Variants in CDK14 observed in about 807,000 individuals in gnomAD.
CDK14 encodes the protein cyclin dependent kinase 14.
CDK14 carries 34 observed loss-of-function variants against 60.7 expected under a neutral mutation model. The observed-to-expected ratio is 0.56, with a 90% CI of 0.43 to 0.75. CDK14 has a LOEUF of 0.75. CDK14 is among the 30% of genes least tolerant of loss of function. The probability of loss-of-function intolerance (pLI) is 0.00; values close to 1 mark genes in which losing one functional copy is unlikely to be tolerated. For synonymous variants in CDK14, 197 were observed against 203.7 expected (o/e 0.97, Z 0.28); for missense variants, 482 against 564.1 (o/e 0.85, Z 1.47).
At chr7:90,812,256 G>T (rs993372707) in intron 5 of CDK14, among the ~76,000 whole-genome samples, 1 of 152,156 alleles carries the variant, frequency 6.6e-6, no homozygotes, top group Non-Finnish European at 1.5e-5. Flanking sequence ...AGAAAATGTG[G>T]CACATATACA....
chr7:90,982,132 G>A (rs1795244215), intron 9 of CDK14, among the ~76,000 whole-genome samples: 1 of 152,178 alleles, frequency 6.6e-6, no homozygotes, highest in South Asian at 2.1e-4. Flanking sequence ...TGGGAACTGT[G>A]AGCATGGCAG....
At chr7:90,924,657 C>G (rs1261827265) in intron 8 of CDK14, among the ~76,000 whole-genome samples, 1 of 152,074 alleles carries the variant, frequency 6.6e-6, no homozygotes, top group South Asian at 2.1e-4. Flanking sequence ...AAAAACTGAC[C>G]AGCTACTATG....
intron 2 of CDK14, among the ~76,000 whole-genome samples, chr7:90,647,447 C>T (rs1800493215): frequency 6.6e-6 from 1 of 151,698 alleles, no homozygotes; most frequent in African/African-American, 2.4e-5. Context: ...AGAATGATTT[C>T]ACTTTAAGTA....
intron 2 of CDK14, among the ~76,000 whole-genome samples, chr7:90,642,693 C>T (rs1278846199): frequency 2.6e-5 from 4 of 152,042 alleles, no homozygotes; most frequent in Non-Finnish European, 2.9e-5. Context: ...ATTGGGATTG[C>T]TGAGATTTCT....
chr7:90,868,785 A>G (rs1248048313), intron 6 of CDK14, among the ~76,000 whole-genome samples: 1 of 152,150 alleles, frequency 6.6e-6, no homozygotes, highest in Non-Finnish European at 1.5e-5. Flanking sequence ...TATTTTATCG[A>G]TGAGGAAAAA....
At chr7:91,059,136 G>T (rs1011895412) in intron 11 of CDK14, among the ~76,000 whole-genome samples, 2 of 152,028 alleles carry the variant, frequency 1.3e-5, no homozygotes, top group Admixed American at 1.3e-4. Flanking sequence ...GTCTTGGGAG[G>T]GTGTGTGTGT....
chr7:90,761,759 A>G (rs1167080245), intron 4 of CDK14, among the ~76,000 whole-genome samples: 2 of 152,178 alleles, frequency 1.3e-5, no homozygotes, highest in African/African-American at 2.4e-5. Context: ...CCAAAATGAC[A>G]TTAGTGCTGA....
intron 5 of CDK14, among the ~76,000 whole-genome samples, chr7:90,825,330 C>G (rs142248493): frequency 2.4e-4 from 37 of 152,244 alleles, no homozygotes; most frequent in African/African-American, 8.7e-4. Context: ...TGCCTCCAGT[C>G]TAGCAAGTGA....
chr7:90,935,218 G>A (rs1793712554), intron 8 of CDK14, among the ~76,000 whole-genome samples: 1 of 152,138 alleles, frequency 6.6e-6, no homozygotes, highest in South Asian at 2.1e-4. Flanking sequence ...ATCCATTCAT[G>A]AGGGCAGAGC....
At chr7:90,720,441 G>A (rs561718351) in intron 2 of CDK14, among the ~76,000 whole-genome samples, 1 of 152,148 alleles carries the variant, frequency 6.6e-6, no homozygotes, top group African/African-American at 2.4e-5. Context: ...ACAGCTCATG[G>A]CCTTTGTATT....
chr7:90,612,813 T>G (rs1417359679), intron 2 of CDK14, among the ~76,000 whole-genome samples: 19 of 151,550 alleles, frequency 1.3e-4, no homozygotes. Context: ...TTACTTTCTG[T>G]ACTGTTTTAT....
chr7:91,154,645 G>A (rs140020279), intron 14 of CDK14, among the ~76,000 whole-genome samples: 35 of 152,138 alleles, frequency 2.3e-4, no homozygotes, highest in African/African-American at 8.2e-4. Context: ...GTGTCACCTC[G>A]GTCAAATAAC....
chr7:90,649,364 CCTTT>C (rs1800563109), intron 2 of CDK14, among the ~76,000 whole-genome samples: 2 of 26,782 alleles, frequency 7.5e-5, no homozygotes, highest in South Asian at 1.5e-3. Context: ...TTCCTTCCTT[CCTTT>C]CCTTCCTTCC....
At chr7:90,751,298 G>T (rs1018281997) in intron 4 of CDK14, among the ~76,000 whole-genome samples, 23 of 152,004 alleles carry the variant, frequency 1.5e-4, no homozygotes, top group African/African-American at 5.3e-4. Context: ...CATATAAAGG[G>T]AACACCATTA....
chr7:90,935,395 A>G (rs1359868659), intron 8 of CDK14, among the ~76,000 whole-genome samples: 1 of 152,196 alleles, frequency 6.6e-6, no homozygotes. Context: ...TTTTAATGCT[A>G]TCAGAAAGGG....
intron 9 of CDK14, among the ~76,000 whole-genome samples, chr7:90,970,197 C>T (rs1794881525): frequency 6.6e-6 from 1 of 152,042 alleles, no homozygotes; most frequent in Admixed American, 6.6e-5. Context: ...AACTCCTGAC[C>T]TCAGGTGATC....
At chr7:90,978,285 C>G (rs1430266781) in intron 9 of CDK14, among the ~76,000 whole-genome samples, 1 of 152,026 alleles carries the variant, frequency 6.6e-6, no homozygotes, top group Non-Finnish European at 1.5e-5. Context: ...GGCTTCACTG[C>G]CTCGAGCCTC....
At chr7:91,021,778 G>C (rs1308959410) in intron 10 of CDK14, among the ~76,000 whole-genome samples, 4 of 152,136 alleles carry the variant, frequency 2.6e-5, no homozygotes, top group Non-Finnish European at 5.9e-5. Context: ...TTCTTTGTAA[G>C]AAACTTTCAT....
chr7:90,816,093 G>A (rs1789343844), intron 5 of CDK14, among the ~76,000 whole-genome samples: 1 of 152,134 alleles, frequency 6.6e-6, no homozygotes, highest in South Asian at 2.1e-4. Context: ...TTTAAAAAAA[G>A]GGCCATAGTG....
Sources: allele counts gnomAD v4.1 joint callset (sites outside exome capture counted in the v4.1 genomes callset), GRCh38; gene constraint gnomAD v4.1.1; transcripts MANE v1.5; gene names NCBI Gene and HGNC (gene_info 2026-07-23, HGNC 2026-07-21).